MIPOL1: variants seen among roughly 807,000 people sequenced by gnomAD.
MIPOL1 encodes the protein mirror-image polydactyly gene 1 protein.
MIPOL1 carries 57 observed loss-of-function variants against 60.9 expected under a neutral mutation model. That is an observed-to-expected ratio of 0.94 (90% confidence interval 0.76 to 1.17). MIPOL1 has a LOEUF of 1.17. Among genes scored for constraint, MIPOL1 ranks in the 50% most tolerant of loss-of-function variants. The pLI is 0.00. For synonymous variants in MIPOL1, 179 were observed against 168.8 expected (o/e 1.06, Z -0.47); for missense variants, 551 against 511.6 (o/e 1.08, Z -0.74).
intron 11 of MIPOL1, among the ~76,000 whole-genome samples, chr14:37,485,876 T>G (rs912362663): frequency 3.3e-5 from 5 of 152,224 alleles, no homozygotes; most frequent in African/African-American, 1.2e-4. Flanking sequence ...TTGCCATTGC[T>G]TTAGTTGTTT....
chr14:37,279,483 T>C (rs1356871228), intron 6 of MIPOL1, among the ~76,000 whole-genome samples: 1 of 151,862 alleles, frequency 6.6e-6, no homozygotes, highest in East Asian at 1.9e-4. Context: ...TGTTTGAGAG[T>C]TGCATATTGA....
Position 37,481,611 on chromosome 14 carries a change from AC to A in MIPOL1, c.1032-18295del, listed in dbSNP as rs1555356224. ...CACACACACACACACACACACACAC[AC>A]CGAAACCACATAGCCAAGGGAATCA... On this transcript the variant is annotated intron_variant, in intron 11 of 12. Transcript: ENST00000684589. Among the ~76,000 whole-genome samples the A allele has an allele frequency of 1.4e-3, 196 of 142,502 alleles. 2 individuals carry two copies. The highest frequency in any genetic ancestry group is 4.8e-3 in the African/African-American group (182 of 37,682). The allele number at this position is 142,502 out of a possible 152,430, so 93.5% of individuals were successfully genotyped here. A position where few individuals can be genotyped will look rare whatever the true frequency, so the allele number is the denominator to read the frequency against.
intron 11 of MIPOL1, among the ~76,000 whole-genome samples, chr14:37,465,850 T>C (rs2094592049): frequency 6.6e-6 from 1 of 152,174 alleles, no homozygotes; most frequent in Non-Finnish European, 1.5e-5. Context: ...TAAATTAGTG[T>C]AAATTTAAAG....
intron 1 of MIPOL1, among the ~76,000 whole-genome samples, chr14:37,208,222 G>A (rs8015022): frequency 0.26 from 39,402 of 152,060 alleles, 5,249 homozygotes; most frequent in South Asian, 0.33. Context: ...CTTGGAGAAT[G>A]ACTTTCAATA....
At chr14:37,309,126 A>G (rs2087058461) in intron 9 of MIPOL1, among the ~76,000 whole-genome samples, 1 of 150,608 alleles carries the variant, frequency 6.6e-6, no homozygotes, top group South Asian at 2.1e-4. Context: ...TTATTTATTT[A>G]TTTATTTATT....
intron 7 of MIPOL1, among the ~76,000 whole-genome samples, chr14:37,292,439 T>C (rs2085174858): frequency 6.7e-6 from 1 of 150,042 alleles, no homozygotes; most frequent in Non-Finnish European, 1.5e-5. Context: ...CAGAACAGAA[T>C]GGTACAAGTG....
chr14:37,204,042 A>C (rs1485276658), intron 1 of MIPOL1, among the ~76,000 whole-genome samples: 4 of 151,980 alleles, frequency 2.6e-5, no homozygotes, highest in African/African-American at 9.7e-5. Flanking sequence ...TTGGCCTCTC[A>C]AAGTGCTGGG....
At chr14:37,206,370 AC>A (rs1966097878) in intron 1 of MIPOL1, among the ~76,000 whole-genome samples, 2 of 152,168 alleles carry the variant, frequency 1.3e-5, no homozygotes, top group African/African-American at 4.8e-5. Flanking sequence ...GAAGTCAAGA[AC>A]TGGGGTTTGC....
rs181800333 is a variant in MIPOL1 at position 37,274,643 on chromosome 14, C to T, written c.493+4118C>T. Among the ~76,000 whole-genome samples the T allele has an allele frequency of 1.7e-4, 25 of 151,396 alleles. 1 individual carries two copies. The highest frequency in any genetic ancestry group is 1.3e-3 in the Admixed American group (20 of 15,166). On this transcript the variant is annotated intron_variant, in intron 6 of 12. Coordinates refer to ENST00000684589, the MANE Select transcript of MIPOL1 (RefSeq NM_001388067.1). ...ACATGTTGTAAGTAGTGGTTAAATGCGCAGACTTGGGATTCAGACCTTTGT... is the reference window on the plus strand; with the variant it reads ...ACATGTTGTAAGTAGTGGTTAAATGTGCAGACTTGGGATTCAGACCTTTGT...
intron 12 of MIPOL1, among the ~76,000 whole-genome samples, chr14:37,538,106 TAGTATGCTCTGA>T (rs2095514444): frequency 6.6e-6 from 1 of 152,216 alleles, no homozygotes; most frequent in African/African-American, 2.4e-5. Flanking sequence ...ACTAAGGACT[TAGTATGCTCTGA>T]CAGCCAAACC....
In MIPOL1 at chr14:37,369,633, C is replaced by G. The variant is rs114892343; in HGVS notation, c.936+9C>G. On this transcript the variant is annotated intron_variant, in intron 10 of 12. Coordinates refer to ENST00000684589, the MANE Select transcript of MIPOL1 (RefSeq NM_001388067.1). Reference sequence around the variant, plus strand: ...AAGAACGTGCTCTGAAGGTAAATCTCCGTTCCTTCTTGCAGGCAAATTAAG... The same window carrying G: ...AAGAACGTGCTCTGAAGGTAAATCTGCGTTCCTTCTTGCAGGCAAATTAAG... 703 of 1,605,926 alleles carry G rather than the reference C, an allele frequency of 4.4e-4. 2 individuals carry two copies. The African/African-American group carries it at 7.5e-3, about 17-fold the overall frequency.
intron 11 of MIPOL1, among the ~76,000 whole-genome samples, chr14:37,473,275 C>G (rs941313742): frequency 6.6e-6 from 1 of 152,140 alleles, no homozygotes; most frequent in African/African-American, 2.4e-5. Flanking sequence ...CAAGCCAGCT[C>G]CACCATGGGC....
chr14:37,219,243 A>G (rs2139468470), intron 1 of MIPOL1, among the ~76,000 whole-genome samples: 1 of 152,350 alleles, frequency 6.6e-6, no homozygotes, highest in East Asian at 1.9e-4. Flanking sequence ...GACTTAGCAG[A>G]ATTCTTGCTA....
At chr14:37,386,387 T>C (rs1000960834) in intron 10 of MIPOL1, among the ~76,000 whole-genome samples, 6 of 152,004 alleles carry the variant, frequency 3.9e-5, no homozygotes, top group Admixed American at 1.3e-4. Flanking sequence ...AGCAGACATT[T>C]CCATGAGATT....
intron 7 of MIPOL1, among the ~76,000 whole-genome samples, chr14:37,298,981 A>G (rs936470570): frequency 1.3e-5 from 2 of 151,580 alleles, no homozygotes; most frequent in Admixed American, 1.3e-4. Flanking sequence ...TCATGCTGCT[A>G]TAAAGACACA....
In MIPOL1 at chr14:37,422,623, G is replaced by T. The variant is rs577444784; in HGVS notation, c.937-232G>T. On this transcript the variant is annotated intron_variant, in intron 10 of 12. Transcript: ENST00000684589. Reference sequence around the variant, plus strand: ...ATATCTGATGGTACAGATAAATAAGGTTGAAGTTTAGTAATGAGCAAGATT... The same window carrying T: ...ATATCTGATGGTACAGATAAATAAGTTTGAAGTTTAGTAATGAGCAAGATT... Among the ~76,000 whole-genome samples, 24 of 151,944 alleles carry T rather than the reference G, an allele frequency of 1.6e-4. No individual in the cohort carries two copies. The East Asian group carries it at 2.5e-3, about 16-fold the overall frequency.
chr14:37,540,855 T>C (rs1438555859), intron 12 of MIPOL1, among the ~76,000 whole-genome samples: 1 of 152,206 alleles, frequency 6.6e-6, no homozygotes, highest in Non-Finnish European at 1.5e-5. Flanking sequence ...TTTAGTACTT[T>C]CATACCTTCT....
At chr14:37,477,183 A>G (rs1032051372) in intron 11 of MIPOL1, among the ~76,000 whole-genome samples, 2 of 152,048 alleles carry the variant, frequency 1.3e-5, no homozygotes, top group Non-Finnish European at 2.9e-5. Context: ...TACAGGCGTG[A>G]GCCACTGCAC....
At chr14:37,289,478 T>C (rs1284853755) in intron 7 of MIPOL1, among the ~76,000 whole-genome samples, 66 of 152,160 alleles carry the variant, frequency 4.3e-4, no homozygotes, top group Admixed American at 4.3e-3. Context: ...AGTCCCCTCT[T>C]TGGGTTTGAT....
Sources: allele counts gnomAD v4.1 joint callset (sites outside exome capture counted in the v4.1 genomes callset), GRCh38; gene constraint gnomAD v4.1.1; transcripts MANE v1.5; gene names NCBI Gene and HGNC (gene_info 2026-07-23, HGNC 2026-07-21).